GALNT13: variants seen among roughly 807,000 people sequenced by gnomAD.
GALNT13 encodes polypeptide N-acetylgalactosaminyltransferase 13.
In GALNT13, 28 loss-of-function variants were observed where a neutral mutation model predicts 64.2. The ratio of observed to expected loss-of-function variants is 0.44; its 90% CI spans 0.32 to 0.60. The LOEUF is 0.60. GALNT13 is among the 20% of genes least tolerant of loss of function. The pLI, the probability that GALNT13 is intolerant of heterozygous loss-of-function variation, is 0.05. For synonymous variants in GALNT13, 214 were observed against 224.6 expected, an observed-to-expected ratio of 0.95 and a Z score of 0.42; for missense variants, 577 against 669.8, an observed-to-expected ratio of 0.86 and a Z score of 1.53.
intron 9 of GALNT13, among the ~76,000 whole-genome samples, chr2:154,320,510 A>G (rs554812201): frequency 6.6e-6 from 1 of 152,282 alleles, no homozygotes; most frequent in East Asian, 1.9e-4. Context: ...TAGGGGCTAC[A>G]TTGTGCTCAC....
chr2:153,391,100 T>G, the GALNT13 span, among the ~76,000 whole-genome samples: 124,003 of 151,798 alleles, frequency 0.82, 51,559 homozygotes, highest in African/African-American at 0.9. Context: ...AGAAGGACTA[T>G]AGAGGTTAGA....
the GALNT13 span, among the ~76,000 whole-genome samples, chr2:153,501,901 C>T: frequency 6.6e-6 from 1 of 152,092 alleles, no homozygotes; most frequent in East Asian, 1.9e-4. Flanking sequence ...TCTCTTATTA[C>T]CCAACCTTAG....
the GALNT13 span, among the ~76,000 whole-genome samples, chr2:153,345,102 ATTC>A: frequency 2.0e-5 from 3 of 152,192 alleles, no homozygotes; most frequent in Non-Finnish European, 4.4e-5. Context: ...TATTACGTTT[ATTC>A]TTCTTTATCT....
At chr2:154,124,950 G>T (rs763336819) in intron 3 of GALNT13, among the ~76,000 whole-genome samples, 1 of 152,104 alleles carries the variant, frequency 6.6e-6, no homozygotes, top group East Asian at 1.9e-4. Flanking sequence ...TGAACATTTA[G>T]TGGTAAATAT....
At chr2:153,579,342 G>C in the GALNT13 span, among the ~76,000 whole-genome samples, 7 of 151,996 alleles carry the variant, frequency 4.6e-5, no homozygotes, top group African/African-American at 1.4e-4. Context: ...AGGTCTTAGG[G>C]CATTTTATTT....
chr2:153,696,186 C>T, the GALNT13 span, among the ~76,000 whole-genome samples: 1 of 152,106 alleles, frequency 6.6e-6, no homozygotes, highest in East Asian at 1.9e-4. Context: ...CCCAAGAGCC[C>T]CTAGCAAACT....
At chr2:153,142,249 A>T in the GALNT13 span, among the ~76,000 whole-genome samples, 1 of 152,032 alleles carries the variant, frequency 6.6e-6, no homozygotes, top group African/African-American at 2.4e-5. Flanking sequence ...GTGGCTACTT[A>T]ATGTTAACAC....
chr2:153,967,996 C>T (rs1257728263), intron 3 of GALNT13, among the ~76,000 whole-genome samples: 2 of 148,688 alleles, frequency 1.3e-5, no homozygotes, highest in Non-Finnish European at 3.0e-5. Flanking sequence ...ACTATCTTCT[C>T]TCCTGACCCA....
intron 3 of GALNT13, among the ~76,000 whole-genome samples, chr2:154,029,026 A>C (rs34221721): frequency 0.19 from 28,243 of 151,938 alleles, 3,364 homozygotes; most frequent in Non-Finnish European, 0.26. Context: ...CTGAATTTTT[A>C]AGTCGAATTG....
intron 9 of GALNT13, among the ~76,000 whole-genome samples, chr2:154,303,968 G>A (rs753355892): frequency 7.9e-5 from 12 of 152,096 alleles, no homozygotes; most frequent in Admixed American, 1.3e-4. Context: ...ATGTTGGCCA[G>A]GCTGGTCTCG....
chr2:153,096,313 A>G, the GALNT13 span, among the ~76,000 whole-genome samples: 1 of 151,964 alleles, frequency 6.6e-6, no homozygotes, highest in African/African-American at 2.4e-5. Context: ...AGAATGATCC[A>G]TGTACTAAGG....
intron 4 of GALNT13, among the ~76,000 whole-genome samples, chr2:154,160,414 G>A (rs986617016): frequency 6.6e-6 from 1 of 152,092 alleles, no homozygotes; most frequent in South Asian, 2.1e-4. Flanking sequence ...AGAGACTTGA[G>A]TGCAATAATT....
intron 3 of GALNT13, among the ~76,000 whole-genome samples, chr2:154,053,219 T>A (rs1036768417): frequency 6.6e-6 from 1 of 152,158 alleles, no homozygotes; most frequent in African/African-American, 2.4e-5. Context: ...AATCTTGAGT[T>A]CCAAAACTGG....
At chr2:153,435,690 A>T in the GALNT13 span, among the ~76,000 whole-genome samples, 1 of 152,130 alleles carries the variant, frequency 6.6e-6, no homozygotes, top group Non-Finnish European at 1.5e-5. Flanking sequence ...GTATCCTGAG[A>T]CTGCTGAAGT....
At chr2:153,829,424 C>T in the GALNT13 span, among the ~76,000 whole-genome samples, 1 of 151,796 alleles carries the variant, frequency 6.6e-6, no homozygotes, top group South Asian at 2.1e-4. Context: ...TGGCAGCAGG[C>T]AAAGAGAGAG....
chr2:153,801,878 C>T, the GALNT13 span, among the ~76,000 whole-genome samples: 6 of 152,178 alleles, frequency 3.9e-5, no homozygotes, highest in African/African-American at 7.2e-5. Flanking sequence ...TGTATTGCTT[C>T]GTGTATTCTT....
chr2:154,193,880 T>G (rs978580761), intron 4 of GALNT13, among the ~76,000 whole-genome samples: 6 of 152,180 alleles, frequency 3.9e-5, no homozygotes, highest in Non-Finnish European at 8.8e-5. Context: ...GCAGCCTATT[T>G]TGGAGGATTA....
chr2:153,883,727 G>A (rs1686943602), intron 1 of GALNT13, among the ~76,000 whole-genome samples: 1 of 151,700 alleles, frequency 6.6e-6, no homozygotes, highest in Non-Finnish European at 1.5e-5. Context: ...TGTTTAAGGA[G>A]TATTTAAAAA....
the GALNT13 span, among the ~76,000 whole-genome samples, chr2:153,261,399 G>T: frequency 2.0e-5 from 3 of 152,124 alleles, no homozygotes; most frequent in African/African-American, 7.2e-5. Context: ...CTAAATCTTG[G>T]TCATTGCAGC....
Sources: allele counts gnomAD v4.1 joint callset (sites outside exome capture counted in the v4.1 genomes callset), GRCh38; gene constraint gnomAD v4.1.1; transcripts MANE v1.5; gene names NCBI Gene and HGNC (gene_info 2026-07-23, HGNC 2026-07-21).